Variants in LRIG3 observed in about 807,000 individuals in gnomAD.
LRIG3 encodes the protein leucine rich repeats and immunoglobulin like domains 3.
A neutral mutation model predicts 114.5 loss-of-function variants in LRIG3; 76 were observed. The ratio of observed to expected loss-of-function variants is 0.66; its 90% CI spans 0.55 to 0.80. The LOEUF is 0.80. Among genes scored for constraint, LRIG3 ranks in the 30% least tolerant of loss-of-function variants. The pLI is 0.00. For synonymous variants in LRIG3, 512 were observed against 519.8 expected (o/e 0.98, Z 0.20); for missense variants, 1,239 against 1,382.8 (o/e 0.90, Z 1.65).
At chr12:58,910,959 T>C (rs555166495) in intron 3 of LRIG3, among the ~76,000 whole-genome samples, 8 of 152,216 alleles carry the variant, frequency 5.3e-5, no homozygotes, top group African/African-American at 1.9e-4. Flanking sequence ...AATAGAGTTT[T>C]ACTGTAAGAT....
intron 14 of LRIG3, 128 bp downstream of exon 14, chr12:58,878,696 T>C: frequency 8.9e-7 from 1 of 1,119,696 alleles, no homozygotes; most frequent in Non-Finnish European, 1.3e-6. Context: ...ATTAATACTT[T>C]CTAGGAAAAG....
intron 3 of LRIG3, among the ~76,000 whole-genome samples, chr12:58,911,666 AT>A (rs369393897): frequency 0.055 from 8,296 of 152,184 alleles, 397 homozygotes; most frequent in Admixed American, 0.14. Flanking sequence ...AACTTAACAG[AT>A]TTTTTTTAAT....
chr12:58,903,067 G>A (rs1340472556), intron 3 of LRIG3, among the ~76,000 whole-genome samples: 1 of 152,112 alleles, frequency 6.6e-6, no homozygotes, highest in Non-Finnish European at 1.5e-5. Flanking sequence ...ATGATTTATA[G>A]TCCTTTGGGT....
At position 58,883,539 on chromosome 12, in the gene LRIG3, T is replaced by G. The variant is rs374932872; in HGVS notation, c.1297A>C (p.Met433Leu). 1.4e-4 allele frequency: 209 copies of G among 1,546,578 alleles called. No individual in the cohort carries two copies. The highest frequency in any genetic ancestry group is 1.7e-4 in the Non-Finnish European group (190 of 1,133,606). The change falls in exon 11 of 19, where the codon ATG (methionine) becomes CTG (leucine). Residue 433 changes from methionine to leucine, a missense_variant. Coordinates refer to ENST00000320743, the MANE Select transcript of LRIG3 (RefSeq NM_153377.5). ...MSLQGNAFSQ[M>L]KKLQQLHLNT... is the part of the protein sequence containing the mutation. ...GCTTACAATTGTTGCAGTTTCTTCA[T>G]TTGTGAAAATGCATTGCCTTGTAAA...
At position 58,874,578 on chromosome 12, in the gene LRIG3, GAAACAAAAATCTT is replaced by G; in HGVS notation, c.2696-18_2696-6del. The G allele has an allele frequency of 6.2e-7, 1 of 1,611,752 alleles. No individual in the cohort carries two copies. Among genetic ancestry groups the G allele is most frequent in the Middle Eastern group, 1.7e-4 (1 of 6,044 alleles). On this transcript the variant is annotated splice_region_variant and splice_polypyrimidine_tract_variant and intron_variant, in intron 16 of 18. Transcript: ENST00000320743. ...TATTGTCAATATGGCAGGTCCCTTT[GAAACAAAAATCTT>G]AGTCAATGATCCAATTATTCAAGTG...
At chr12:58,907,777 G>A (rs373773907) in intron 3 of LRIG3, among the ~76,000 whole-genome samples, 10 of 152,232 alleles carry the variant, frequency 6.6e-5, no homozygotes, top group African/African-American at 2.4e-4. Context: ...CCAGCTCAGG[G>A]CTCTCTTCTA....
In LRIG3 at chr12:58,874,279, T is replaced by A. The variant is rs1337875079; in HGVS notation, c.2891A>T (p.Tyr964Phe). 1 of 1,614,078 alleles carries A rather than the reference T, an allele frequency of 6.2e-7. No homozygotes were observed. The highest frequency in any genetic ancestry group is 8.5e-7 in the Non-Finnish European group (1 of 1,180,010). ...TGGGTAGCACTCCTTTTTCTTTATG[T>A]AACTGGGCTCATAGTGGTCCATTAA... is the stretch of plus-strand genomic sequence containing the variant. ...TVLMDHYEPS[Y>F]IKKKECYPCS... The change falls in exon 18 of 19, where the codon TAC becomes TTC. Residue 964 changes from tyrosine (Y) to phenylalanine (F), a missense_variant. Coordinates refer to ENST00000320743, the MANE Select transcript of LRIG3 (RefSeq NM_153377.5).
intron 10 of LRIG3, among the ~76,000 whole-genome samples, chr12:58,884,724 A>G (rs1174881540): frequency 6.6e-6 from 1 of 152,188 alleles, no homozygotes; most frequent in African/African-American, 2.4e-5. Context: ...AGAAGGTGAC[A>G]ACACAGTGGT....
intron 10 of LRIG3, among the ~76,000 whole-genome samples, 194 bp from the exon 11 acceptor site, chr12:58,883,785 G>A (rs1222718128): frequency 6.6e-6 from 1 of 152,184 alleles, no homozygotes; most frequent in Non-Finnish European, 1.5e-5. Flanking sequence ...TTGTATCACA[G>A]ATAGGTTTTG....
At chr12:58,894,359 G>C (rs557593314) in intron 3 of LRIG3, among the ~76,000 whole-genome samples, 1 of 152,044 alleles carries the variant, frequency 6.6e-6, no homozygotes, top group African/African-American at 2.4e-5. Context: ...CCAAATACTC[G>C]TTTCTTATTA....
intron 12 of LRIG3, 121 bp downstream of exon 12, chr12:58,882,748 A>T: frequency 9.3e-7 from 1 of 1,080,266 alleles, no homozygotes; most frequent in Non-Finnish European, 1.3e-6. Flanking sequence ...ATTTTCCTCT[A>T]CCTCAGCAGA....
chr12:58,888,215 G>A (rs1871339496), intron 7 of LRIG3, 114 bp downstream of exon 7: 17 of 1,292,050 alleles, frequency 1.3e-5, no homozygotes, highest in South Asian at 1.2e-4. Flanking sequence ...TGTGAAAAAA[G>A]CTGTCACCTT....
Position 58,883,024 on chromosome 12 carries a change from T to A in LRIG3, c.1325A>T (p.Asn442Ile). The change falls in exon 12 of 19, where the codon AAT (asparagine) becomes ATT (isoleucine). Residue 442 changes from asparagine (N) to isoleucine (I), a missense_variant. Transcript: ENST00000320743. ...GCAATCGCACAAAAGGCTTGATGTA[T>A]TTAAATGCCTGAGGAGAGTAATTAC... ...QMKKLQQLHL[N>I]TSSLLCDCQL... is the part of the protein sequence containing the mutation. 1 of 1,612,078 alleles carries A rather than the reference T, an allele frequency of 6.2e-7. No individual in the cohort carries two copies. The highest frequency in any genetic ancestry group is 8.5e-7 in the Non-Finnish European group (1 of 1,178,954).
chr12:58,911,045 T>C (rs935676760), intron 3 of LRIG3, among the ~76,000 whole-genome samples: 76 of 152,262 alleles, frequency 5.0e-4, no homozygotes, highest in African/African-American at 1.8e-3. Context: ...GAGAGAAAAA[T>C]TTAAAAAACA....
intron 3 of LRIG3, among the ~76,000 whole-genome samples, chr12:58,913,213 T>C (rs142849681): frequency 1.5e-4 from 23 of 152,342 alleles, no homozygotes; most frequent in African/African-American, 5.1e-4. Flanking sequence ...AAGAAAAACA[T>C]TTTTTAACAT....
intron 3 of LRIG3, among the ~76,000 whole-genome samples, chr12:58,904,792 T>C (rs190250593): frequency 1.8e-4 from 27 of 152,308 alleles, no homozygotes; most frequent in African/African-American, 5.8e-4. Context: ...CCAGGCACTA[T>C]GCTACATGCC....
intron 3 of LRIG3, among the ~76,000 whole-genome samples, chr12:58,912,759 A>G (rs1872333121): frequency 6.6e-6 from 1 of 152,262 alleles, no homozygotes; most frequent in Admixed American, 6.5e-5. Context: ...CCTTGGTCAA[A>G]CAAGAATAGC....
Position 58,890,040 on chromosome 12 carries a change from T to C in LRIG3, c.615A>G (p.Ser205=). Residue 205 remains serine (S), a synonymous_variant, in exon 5 of 19, where the codon TCA becomes TCG. Transcript: ENST00000320743. The part of the protein sequence containing the change: ...LVLKLNRNRI[S]AIPPKMFKLP... ...GTTTAAACATCTTGGGTGGGATAGC[T>C]GAGATTCGGTTCCTGTTCAGCTTTA... 6.2e-7 allele frequency: 1 copy of C among 1,613,624 alleles called. No homozygotes were observed. Among genetic ancestry groups the C allele is most frequent in the Non-Finnish European group, 8.5e-7 (1 of 1,179,624 alleles).
At chr12:58,880,472 T>TG in intron 13 of LRIG3, 109 bp downstream of exon 13, 1 of 1,058,706 alleles carries the variant, frequency 9.4e-7, no homozygotes. Context: ...AAGAGTCAGG[T>TG]GGGGAACTGT....
Sources: gnomAD v4.1 joint callset for allele counts (sites outside exome capture counted in the v4.1 genomes callset) on GRCh38, gnomAD v4.1.1 for gene constraint, MANE v1.5 for transcripts, NCBI Gene and HGNC (gene_info 2026-07-23, HGNC 2026-07-21) for gene names.